NBAS: variants seen among roughly 807,000 people sequenced by gnomAD.
NBAS encodes NAG/BC035112 fusion.
A neutral mutation model predicts 302.5 loss-of-function variants in NBAS; 219 were observed. That is an observed-to-expected ratio of 0.72 (90% CI 0.65 to 0.81). The LOEUF (loss-of-function observed/expected upper bound fraction) is 0.81, where lower values mean the gene tolerates loss of function less well. Ranked by LOEUF, NBAS falls within the 30% of genes least tolerant of loss-of-function variation. The pLI, the probability that NBAS is intolerant of heterozygous loss-of-function variation, is 0.00. For synonymous variants in NBAS, 1,118 were observed against 1,021.6 expected, an observed-to-expected ratio of 1.09 and a Z score of -1.80; for missense variants, 2,932 against 2,841.6, an observed-to-expected ratio of 1.03 and a Z score of -0.72.
chr2:15,517,892 C>G (rs1256496612), intron 9 of NBAS, among the ~76,000 whole-genome samples: 3 of 152,008 alleles, frequency 2.0e-5, no homozygotes, highest in Non-Finnish European at 4.4e-5. Context: ...TACTGCTAAC[C>G]CAGGAAAAGA....
the NBAS span, among the ~76,000 whole-genome samples, chr2:15,039,178 T>C: frequency 1.3e-5 from 2 of 152,172 alleles, no homozygotes; most frequent in South Asian, 4.1e-4. Flanking sequence ...ATGGAAACAA[T>C]GACACCAATT....
chr2:15,081,379 T>C, the NBAS span, among the ~76,000 whole-genome samples: 1 of 152,036 alleles, frequency 6.6e-6, no homozygotes, highest in Non-Finnish European at 1.5e-5. Context: ...CGTTTATGGA[T>C]CTCCTCACTC....
the NBAS span, among the ~76,000 whole-genome samples, chr2:15,145,533 T>C: frequency 1.3e-5 from 2 of 152,008 alleles, no homozygotes; most frequent in African/African-American, 2.4e-5. Context: ...ACCTGGTCAC[T>C]GTGAGACTCA....
intron 28 of NBAS, among the ~76,000 whole-genome samples, chr2:15,384,104 C>T (rs1038642146): frequency 3.3e-5 from 5 of 152,318 alleles, no homozygotes; most frequent in African/African-American, 1.2e-4. Context: ...AGGCCAGAGG[C>T]AATTTACCAA....
chr2:14,994,312 G>T, the NBAS span, among the ~76,000 whole-genome samples: 1 of 152,224 alleles, frequency 6.6e-6, no homozygotes, highest in African/African-American at 2.4e-5. Flanking sequence ...ATGGTGAAGG[G>T]ATTGTTTCCA....
chr2:15,011,329 G>A, the NBAS span, among the ~76,000 whole-genome samples: 2 of 151,972 alleles, frequency 1.3e-5, no homozygotes, highest in Non-Finnish European at 2.9e-5. Context: ...CCACCCCTCA[G>A]TATAAAAGAA....
chr2:15,252,531 TA>T (rs201236864), intron 44 of NBAS, among the ~76,000 whole-genome samples: 39 of 146,262 alleles, frequency 2.7e-4, no homozygotes, highest in Non-Finnish European at 4.4e-4. Flanking sequence ...AAATAAAAAT[TA>T]AAAAAAAAAG....
chr2:15,015,964 T>C, the NBAS span, among the ~76,000 whole-genome samples: 2 of 152,168 alleles, frequency 1.3e-5, no homozygotes, highest in East Asian at 3.9e-4. Context: ...CAAAACTTAG[T>C]AGCATTTCTA....
the NBAS span, among the ~76,000 whole-genome samples, chr2:15,136,328 T>C: frequency 6.6e-6 from 1 of 152,306 alleles, no homozygotes; most frequent in African/African-American, 2.4e-5. Flanking sequence ...ATATTGTCCT[T>C]ATGAAATGGC....
At chr2:15,532,488 C>CAAAAAAAAAAAAAAAAAAAA (rs896529713) in intron 9 of NBAS, among the ~76,000 whole-genome samples, 1 of 47,812 alleles carries the variant, frequency 2.1e-5, no homozygotes, top group Non-Finnish European at 5.5e-5. Context: ...GACTCCATCT[C>CAAAAAAAAAAAAAAAAAAAA]AAAAAAAAAA....
At chr2:14,874,147 A>G in the NBAS span, among the ~76,000 whole-genome samples, 1 of 152,222 alleles carries the variant, frequency 6.6e-6, no homozygotes, top group Non-Finnish European at 1.5e-5. Context: ...TAAAGGGATA[A>G]AAAGGGAATA....
intron 48 of NBAS, among the ~76,000 whole-genome samples, chr2:15,212,026 C>T (rs1666435690): frequency 6.6e-6 from 1 of 152,218 alleles, no homozygotes; most frequent in Admixed American, 6.5e-5. Context: ...AGTTCAGCAG[C>T]ACCACTTCCT....
the NBAS span, among the ~76,000 whole-genome samples, chr2:15,027,972 G>A: frequency 6.6e-6 from 1 of 152,042 alleles, no homozygotes; most frequent in Non-Finnish European, 1.5e-5. Context: ...TTCATTTACT[G>A]GAAAACAACT....
intron 11 of NBAS, among the ~76,000 whole-genome samples, chr2:15,490,271 CAGG>C (rs1373837885): frequency 6.6e-6 from 1 of 152,120 alleles, no homozygotes; most frequent in Non-Finnish European, 1.5e-5. Context: ...AGAACAATTT[CAGG>C]AGGTCAGGAA....
the NBAS span, among the ~76,000 whole-genome samples, chr2:14,978,098 A>G: frequency 2.0e-5 from 3 of 152,074 alleles, no homozygotes; most frequent in Admixed American, 2.0e-4. Context: ...ACTTATGTTA[A>G]TCTCTCCACC....
chr2:15,559,062 C>CAAAAAAAAAAAAAAA lies in NBAS; in HGVS notation c.118-443_118-429dup, dbSNP rs70961421. Among the ~76,000 whole-genome samples the CAAAAAAAAAAAAAAA allele has an allele frequency of 2.4e-4, 12 of 50,418 alleles. 3 individuals are homozygous for CAAAAAAAAAAAAAAA. Among genetic ancestry groups the CAAAAAAAAAAAAAAA allele is most frequent in the East Asian group, 5.1e-4 (1 of 1,954 alleles). 33.1% of individuals were successfully genotyped at this position (50,418 alleles called of 152,430 possible). A position where few individuals can be genotyped will look rare whatever the true frequency, so the allele number is the denominator to read the frequency against. On this transcript the variant is annotated intron_variant, in intron 1 of 51. Transcript: ENST00000281513. Reference sequence around the variant, plus strand: ...TGGGTGACAGAGTGAGACCCTGCCTCAAAAAAAAAAAAAAAAAAAAAAAAA... The same window carrying CAAAAAAAAAAAAAAA: ...TGGGTGACAGAGTGAGACCCTGCCTCAAAAAAAAAAAAAAAAAAAAAAAAAAAAAAAAAAAAAAAA...
chr2:15,400,526 A>AAATG (rs1442295166), intron 26 of NBAS, among the ~76,000 whole-genome samples: 2 of 152,176 alleles, frequency 1.3e-5, no homozygotes, highest in African/African-American at 4.8e-5. Context: ...AAAATTGCAA[A>AAATG]ATCAAAAAAT....
chr2:15,213,348 A>C (rs542843957), intron 48 of NBAS, among the ~76,000 whole-genome samples: 54 of 152,244 alleles, frequency 3.5e-4, no homozygotes, highest in Admixed American at 5.9e-4. Flanking sequence ...TCAATATTTT[A>C]ATTAAGCAGC....
At chr2:15,163,767 CAG>C (rs1377310981), downstream of NBAS, among the ~76,000 whole-genome samples, 1 of 150,484 alleles carries the variant, frequency 6.6e-6, no homozygotes, top group Non-Finnish European at 1.5e-5. Context: ...CTGTGAGAAA[CAG>C]GGGAGTTCAG....
Sources: allele counts gnomAD v4.1 joint callset (sites outside exome capture counted in the v4.1 genomes callset), GRCh38; gene constraint gnomAD v4.1.1; transcripts MANE v1.5; gene names NCBI Gene and HGNC (gene_info 2026-07-23, HGNC 2026-07-21).